The following RNF214 variants were observed in gnomAD, a reference collection of about 807,000 sequenced individuals.
RNF214 encodes ring finger protein 214.
A neutral mutation model predicts 75.9 loss-of-function variants in RNF214; 25 were observed. The observed-to-expected ratio is 0.33, with a 90% CI of 0.24 to 0.46. RNF214 has a LOEUF of 0.46. RNF214 is among the 20% of genes least tolerant of loss of function. The pLI is 1.00. For synonymous variants in RNF214, 314 were observed against 308.8 expected (o/e 1.02, Z -0.18); for missense variants, 725 against 857.5 (o/e 0.85, Z 1.93).
In RNF214 at chr11:117,281,934, T is replaced by A; in HGVS notation, c.1376T>A (p.Leu459Gln). The A allele has an allele frequency of 1.2e-6, 2 of 1,614,140 alleles. No homozygotes were observed. The highest frequency in any genetic ancestry group is 1.7e-6 in the Non-Finnish European group (2 of 1,180,018). Reference sequence around the variant, plus strand: ...CAGGTGTTTCAACCCAGTCCCTCTCTGGCTCCTCGGATGCCCTTCTCCATT... The same window carrying A: ...CAGGTGTTTCAACCCAGTCCCTCTCAGGCTCCTCGGATGCCCTTCTCCATT... ...MLQVFQPSPS[L>Q]APRMPFSIGQ... is the part of the protein sequence containing the mutation. Residue 459 changes from leucine (L) to glutamine (Q), a missense_variant, in exon 11 of 15, where the codon CTG becomes CAG. Physicochemically the swap from Leu to Gln is moderately radical, Grantham distance 113. Coordinates refer to ENST00000300650, the MANE Select transcript of RNF214 (RefSeq NM_207343.4).
At position 117,282,357 on chromosome 11, in the gene RNF214, G is replaced by T. The variant is rs772365399; in HGVS notation, c.1713-47G>T. 1.8e-5 allele frequency: 29 copies of T among 1,603,548 alleles called. No individual in the cohort carries two copies. In the South Asian group the frequency reaches 3.2e-4, roughly 18 times the overall value. The stretch of plus-strand genomic sequence containing the variant: ...AGAGGAGGTTACATGGGTGTTCCCC[G>T]TGGGTATAGCATAGGCTTTCTCTCC... On this transcript the variant is annotated intron_variant, in intron 11 of 14. Coordinates refer to ENST00000300650, the MANE Select transcript of RNF214 (RefSeq NM_207343.4).
At chr11:117,254,896 G>A (rs994795969) in intron 6 of RNF214, among the ~76,000 whole-genome samples, 1 of 152,170 alleles carries the variant, frequency 6.6e-6, no homozygotes. Flanking sequence ...AAAGTGCTCA[G>A]ATTATAGGCT....
At chr11:117,268,798 T>A (rs1429213968) in intron 6 of RNF214, among the ~76,000 whole-genome samples, 1 of 152,206 alleles carries the variant, frequency 6.6e-6, no homozygotes, top group Non-Finnish European at 1.5e-5. Context: ...CTTAACAATA[T>A]TGAGTCTTCT....
At chr11:117,253,817 C>G (rs1027149670) in intron 6 of RNF214, among the ~76,000 whole-genome samples, 3 of 152,058 alleles carry the variant, frequency 2.0e-5, no homozygotes, top group Non-Finnish European at 4.4e-5. Flanking sequence ...TAGCTTTGGA[C>G]AAGGAGCATA....
chr11:117,280,268 CT>C lies in RNF214; in HGVS notation c.1145+12del. 6.5e-7 allele frequency: 1 copy of C among 1,538,418 alleles called. No individual in the cohort carries two copies. Among genetic ancestry groups the C allele is most frequent in the Admixed American group, 1.7e-5 (1 of 59,402 alleles). On this transcript the variant is annotated intron_variant, in intron 8 of 14. Coordinates refer to ENST00000300650, the MANE Select transcript of RNF214 (RefSeq NM_207343.4). ...CACCTTACTTACCTCAAGTAAGTACCTTTCCGTTCTAGAGCTTTAATTGTTT... is the reference window on the plus strand; with the variant it reads ...CACCTTACTTACCTCAAGTAAGTACCTTCCGTTCTAGAGCTTTAATTGTTT...
At chr11:117,276,120 C>T (rs544034894) in intron 6 of RNF214, among the ~76,000 whole-genome samples, 4 of 152,104 alleles carry the variant, frequency 2.6e-5, no homozygotes, top group South Asian at 2.1e-4. Context: ...CCACATAAAC[C>T]GAATTAAAAA....
In RNF214 at chr11:117,285,244, TATACTC is replaced by T; in HGVS notation, c.*96_*101del. On this transcript the variant is annotated 3_prime_UTR_variant, in exon 15 of 15. Coordinates refer to ENST00000300650, the MANE Select transcript of RNF214 (RefSeq NM_207343.4). Reference sequence around the variant, plus strand: ...AAAACTCTATATTTATACAGTGACATATACTCATGCCATGTACATTTTTATTATATA... The same window carrying T: ...AAAACTCTATATTTATACAGTGACATATGCCATGTACATTTTTATTATATA... 1 of 818,608 alleles carries T rather than the reference TATACTC, an allele frequency of 1.2e-6. No homozygotes were observed. 50.7% of individuals were successfully genotyped at this position (818,608 alleles called of 1,614,324 possible).
At chr11:117,246,623 A>G (rs1341243553) in intron 5 of RNF214, among the ~76,000 whole-genome samples, 186 bp from the exon 6 acceptor site, 1 of 152,260 alleles carries the variant, frequency 6.6e-6, no homozygotes, top group Admixed American at 6.5e-5. Flanking sequence ...CTGCATTACT[A>G]TAACTTTCTC....
chr11:117,248,278 G>A (rs1409561305), intron 6 of RNF214, among the ~76,000 whole-genome samples: 5 of 152,106 alleles, frequency 3.3e-5, no homozygotes, highest in East Asian at 1.9e-4. Context: ...GGGTTTCACC[G>A]TGTTAGCCAG....
chr11:117,243,112 C>T (rs1012165599), intron 4 of RNF214, among the ~76,000 whole-genome samples: 1 of 151,500 alleles, frequency 6.6e-6, no homozygotes, highest in African/African-American at 2.4e-5. Flanking sequence ...AGCCAAGGTC[C>T]TATCTTGAGA....
At chr11:117,239,562 T>G in intron 3 of RNF214, 1 of 528,140 alleles carries the variant, frequency 1.9e-6, no homozygotes, top group Non-Finnish European at 3.4e-6. Context: ...CATCTCAGAC[T>G]TGAGGCTTTC....
rs2134368754 is a variant in RNF214, at chr11:117,246,956, ATGT to A, written c.959+10_959+12del. 1 of 1,598,632 alleles carries A rather than the reference ATGT, an allele frequency of 6.3e-7. No homozygotes were observed. Reference sequence around the variant, plus strand: ...TTGTGAGAAGGGCAGAAGGTAACTGATGTTAAGAATAAAAACCCTGTGTGTATG... The same window carrying A: ...TTGTGAGAAGGGCAGAAGGTAACTGATAAGAATAAAAACCCTGTGTGTATG... On this transcript the variant is annotated intron_variant, in intron 6 of 14. Transcript: ENST00000300650.
At chr11:117,281,773 T>C in intron 10 of RNF214, 75 bp downstream of exon 10, 1 of 1,514,516 alleles carries the variant, frequency 6.6e-7, no homozygotes, top group South Asian at 1.1e-5. Context: ...CGTGTTCTTT[T>C]TATGAAGATA....
chr11:117,253,721 C>T (rs1008168345), intron 6 of RNF214, among the ~76,000 whole-genome samples: 53 of 152,082 alleles, frequency 3.5e-4, no homozygotes, highest in African/African-American at 1.2e-3. Flanking sequence ...AACAAGACAA[C>T]GGTGACTCAT....
chr11:117,270,694 C>T (rs1030633843), intron 6 of RNF214, among the ~76,000 whole-genome samples: 3 of 152,100 alleles, frequency 2.0e-5, no homozygotes, highest in Non-Finnish European at 2.9e-5. Context: ...GTGATCCACC[C>T]GCCTTGGCCT....
chr11:117,248,903 A>G (rs1181716152), intron 6 of RNF214, among the ~76,000 whole-genome samples: 5 of 151,966 alleles, frequency 3.3e-5, no homozygotes, highest in Non-Finnish European at 5.9e-5. Flanking sequence ...CCCGCAGAAA[A>G]TTTCCTTTTG....
Position 117,262,047 on chromosome 11 carries a change from T to G in RNF214, c.959+15099T>G, listed in dbSNP as rs190760078. ...TTATATGTTGCCAAATTTGTGTCTG[T>G]TTTTTTTTTTCAGTTTGTTTGGTTT... On this transcript the variant is annotated intron_variant, in intron 6 of 14. Coordinates refer to ENST00000300650, the MANE Select transcript of RNF214 (RefSeq NM_207343.4). 2.7e-3 allele frequency among the ~76,000 whole-genome samples: 371 copies of G among 138,824 alleles called. 2 individuals carry two copies. The highest frequency in any genetic ancestry group is 3.3e-3 in the Non-Finnish European group (207 of 61,808). 91.1% of individuals were successfully genotyped at this position (138,824 alleles called of 152,430 possible).
chr11:117,261,757 T>C (rs1182732025), intron 6 of RNF214, among the ~76,000 whole-genome samples: 1 of 151,874 alleles, frequency 6.6e-6, no homozygotes, highest in Non-Finnish European at 1.5e-5. Flanking sequence ...GCAATTTTCC[T>C]GCCTCAGACT....
chr11:117,239,102 T>C lies in RNF214; in HGVS notation c.609T>C (p.Ile203=), dbSNP rs1318569627. ...CTTCCCTGAAGCTTTCTCAGAACAT[T>C]GCTGTACAGGTCAAGTGTCAAGTTT... ...DSSSLKLSQN[I]AVQTDFKTAD... Residue 203 remains isoleucine, a synonymous_variant, in exon 3 of 15, where the codon ATT becomes ATC. Transcript: ENST00000300650. 1 of 1,609,248 alleles carries C rather than the reference T, an allele frequency of 6.2e-7. No individual in the cohort carries two copies. Among genetic ancestry groups the C allele is most frequent in the East Asian group, 2.2e-5 (1 of 44,826 alleles).
Sources: gnomAD v4.1 joint callset for allele counts (sites outside exome capture counted in the v4.1 genomes callset) on GRCh38, gnomAD v4.1.1 for gene constraint, MANE v1.5 for transcripts, NCBI Gene and HGNC (gene_info 2026-07-23, HGNC 2026-07-21) for gene names.